Variants in MAPT observed in about 807,000 individuals in gnomAD.
MAPT encodes the protein microtubule-associated protein tau.
A neutral mutation model predicts 67.9 loss-of-function variants in MAPT; 34 were observed. That is an observed-to-expected ratio of 0.50 (90% confidence interval 0.38 to 0.67). The LOEUF is 0.67. Ranked by LOEUF, MAPT falls within the 30% of genes least tolerant of loss-of-function variation. The probability of loss-of-function intolerance (pLI) is 0.00; values close to 1 mark genes in which losing one functional copy is unlikely to be tolerated. For synonymous variants in MAPT, 456 were observed against 464.5 expected (o/e 0.98, Z 0.23); for missense variants, 881 against 1,115.2 (o/e 0.79, Z 2.99).
chr17:45,905,427 T>C (rs975288389), intron 1 of MAPT, among the ~76,000 whole-genome samples: 1 of 152,084 alleles, frequency 6.6e-6, no homozygotes, highest in Admixed American at 6.6e-5. Flanking sequence ...ATAAATCCCT[T>C]TCAATGTCAT....
At chr17:45,941,348 GGCTCT>G (rs2067833425) in intron 1 of MAPT, among the ~76,000 whole-genome samples, 1 of 152,028 alleles carries the variant, frequency 6.6e-6, no homozygotes, top group Non-Finnish European at 1.5e-5. Context: ...CTTTTCTTAA[GGCTCT>G]TGGAAGACCC....
At chr17:45,999,696 A>G (rs770462408) in intron 9 of MAPT, 1 of 1,538,768 alleles carries the variant, frequency 6.5e-7, no homozygotes. Flanking sequence ...CCAGGTTATG[A>G]CGTCACCATG....
intron 1 of MAPT, among the ~76,000 whole-genome samples, chr17:45,944,351 G>A (rs4327091): frequency 0.14 from 21,818 of 152,216 alleles, 2,138 homozygotes; most frequent in Non-Finnish European, 0.22. Context: ...TCAGGAAGAC[G>A]TGAAGCCAAA....
Position 46,010,995 on chromosome 17 carries a change from A to C in MAPT, c.2091+593A>C, listed in dbSNP as rs1460672956. Among the ~76,000 whole-genome samples the C allele has an allele frequency of 6.6e-6, 1 of 152,106 alleles. No homozygotes were observed. Among genetic ancestry groups the C allele is most frequent in the Non-Finnish European group, 1.5e-5 (1 of 68,024 alleles). On this transcript the variant is annotated intron_variant, in intron 10 of 12. Coordinates refer to ENST00000262410, the MANE Select transcript of MAPT (RefSeq NM_001377265.1). This position sits in a 1 kb window ranked among gnomAD's most constrained non-coding sequence, Gnocchi z 4.7. Reference sequence around the variant, plus strand: ...CTCCAGCTTATGCTTAGCCTGCGCCACCCTCTGGCAGAGACTCCAGATGCA... The same window carrying C: ...CTCCAGCTTATGCTTAGCCTGCGCCCCCCTCTGGCAGAGACTCCAGATGCA...
chr17:45,951,336 A>G (rs1230625240), intron 1 of MAPT, among the ~76,000 whole-genome samples: 1 of 152,226 alleles, frequency 6.6e-6, no homozygotes, highest in Non-Finnish European at 1.5e-5. Flanking sequence ...CATTCATTTT[A>G]AATCGTTCTT....
rs1351569568 is a variant in MAPT, at chr17:46,025,555, C to T, written c.*1384C>T. Reference sequence around the variant, plus strand: ...TCCACTCATCCAACTGGGACCCTCACCACGAATCTCATGATCTGATTCGGT... The same window carrying T: ...TCCACTCATCCAACTGGGACCCTCATCACGAATCTCATGATCTGATTCGGT... On this transcript the variant is annotated 3_prime_UTR_variant, in exon 13 of 13. Transcript: ENST00000262410. 6.5e-6 allele frequency: 1 copy of T among 152,764 alleles called. No individual in the cohort carries two copies. Among genetic ancestry groups the T allele is most frequent in the Non-Finnish European group, 1.5e-5 (1 of 68,112 alleles). The allele number at this position is 152,764 out of a possible 1,614,324, so 9.5% of individuals were successfully genotyped here. A position where few individuals can be genotyped will look rare whatever the true frequency, so the allele number is the denominator to read the frequency against.
intron 9 of MAPT, among the ~76,000 whole-genome samples, chr17:45,999,954 G>A (rs985741141): frequency 5.9e-5 from 9 of 152,212 alleles, no homozygotes; most frequent in Non-Finnish European, 1.3e-4. Flanking sequence ...ATGCACAAGA[G>A]CCTTTAAAAT....
rs58739060 is a variant in MAPT, at chr17:45,939,853, G to A, written c.-17-22468G>A. Among the ~76,000 whole-genome samples, 1,207 of 152,240 alleles carry A rather than the reference G, an allele frequency of 7.9e-3. 18 individuals carry two copies. The highest frequency in any genetic ancestry group is 0.028 in the African/African-American group (1,151 of 41,518). On this transcript the variant is annotated intron_variant, in intron 1 of 12. Coordinates refer to ENST00000262410, the MANE Select transcript of MAPT (RefSeq NM_001377265.1). ...GCACTGGCTGGGGGGCTCTCTTGAC[G>A]TAACGTGTTCCCTCTGAGCATGTTA...
intron 1 of MAPT, among the ~76,000 whole-genome samples, chr17:45,941,673 C>CCCTCCCCTCCTT (rs2067921146): frequency 3.5e-5 from 1 of 28,456 alleles, no homozygotes; most frequent in African/African-American, 1.1e-4. Context: ...CCCCCTTCCC[C>CCCTCCCCTCCTT]CCTTCCCTCC....
In MAPT at chr17:46,010,484, A is replaced by G; in HGVS notation, c.2091+82A>G. 1.0e-6 allele frequency: 1 copy of G among 973,080 alleles called. No homozygotes were observed. The highest frequency in any genetic ancestry group is 1.6e-6 in the Non-Finnish European group (1 of 620,124). The allele number at this position is 973,080 out of a possible 1,614,324, so 60.3% of individuals were successfully genotyped here. A position where few individuals can be genotyped will look rare whatever the true frequency, so the allele number is the denominator to read the frequency against. On this transcript the variant is annotated intron_variant, in intron 10 of 12. Transcript: ENST00000262410. This position sits in a 1 kb window ranked among gnomAD's most constrained non-coding sequence, Gnocchi z 4.7. Reference sequence around the variant, plus strand: ...GTGTGAGTGCGTACACTTGCGAGACACTGCATAGAATAAATCCTTCTTGGG... The same window carrying G: ...GTGTGAGTGCGTACACTTGCGAGACGCTGCATAGAATAAATCCTTCTTGGG...
intron 1 of MAPT, among the ~76,000 whole-genome samples, chr17:45,946,576 G>A (rs1046212471): frequency 5.3e-5 from 7 of 133,100 alleles, no homozygotes; most frequent in Admixed American, 1.6e-4. Flanking sequence ...TCCAGCCTGG[G>A]CGACCGAGGG....
intron 9 of MAPT, chr17:45,999,173 G>A: frequency 1.4e-6 from 2 of 1,473,702 alleles, no homozygotes; most frequent in Non-Finnish European, 1.8e-6. Flanking sequence ...TCCAAGTTCA[G>A]TTGCCATCTC....
chr17:45,993,975 G>A (rs978259608), intron 8 of MAPT: 21 of 1,571,012 alleles, frequency 1.3e-5, no homozygotes, highest in Non-Finnish European at 1.8e-5. Context: ...AGATCTGAGA[G>A]AGGTACTCGG....
Position 45,962,106 on chromosome 17 carries a change from C to T in MAPT, c.-17-215C>T, listed in dbSNP as rs145236675. Among the ~76,000 whole-genome samples the T allele has an allele frequency of 0.011, 1,632 of 152,188 alleles. 14 individuals carry two copies. The highest frequency in any genetic ancestry group is 0.015 in the Non-Finnish European group (1,033 of 68,012). On this transcript the variant is annotated intron_variant, in intron 1 of 12. Coordinates refer to ENST00000262410, the MANE Select transcript of MAPT (RefSeq NM_001377265.1). Reference sequence around the variant, plus strand: ...TGGTGGTGTTGAATATGAACTGCTGCGGTGTTGGTAAATTAAGCAAGCAGA... The same window carrying T: ...TGGTGGTGTTGAATATGAACTGCTGTGGTGTTGGTAAATTAAGCAAGCAGA...
intron 1 of MAPT, among the ~76,000 whole-genome samples, chr17:45,904,906 G>A (rs2064197101): frequency 6.6e-6 from 1 of 152,106 alleles, no homozygotes; most frequent in Non-Finnish European, 1.5e-5. Context: ...ATAACCTCCT[G>A]TTACACTGGG....
intron 1 of MAPT, among the ~76,000 whole-genome samples, chr17:45,942,228 T>C (rs1287893551): frequency 2.0e-5 from 3 of 152,262 alleles, no homozygotes; most frequent in African/African-American, 4.8e-5. Flanking sequence ...TCTTTTCTTA[T>C]GTATAAAAAT....
chr17:45,991,347 C>G, intron 7 of MAPT, 113 bp from the exon 8 acceptor site: 1 of 1,404,122 alleles, frequency 7.1e-7, no homozygotes, highest in Non-Finnish European at 1.0e-6. Context: ...AAAGGGTCAC[C>G]CCAGTCTTAG....
At chr17:45,977,451 GC>G in intron 3 of MAPT, 1 of 152,234 alleles carries the variant, frequency 6.6e-6, no homozygotes, top group Non-Finnish European at 1.5e-5. Context: ...GATTCTGGTG[GC>G]CTGAGGTCAA....
At chr17:45,958,761 C>G (rs1330393760) in intron 1 of MAPT, among the ~76,000 whole-genome samples, 1 of 151,604 alleles carries the variant, frequency 6.6e-6, no homozygotes, top group Non-Finnish European at 1.5e-5. Flanking sequence ...ATGCTGATCT[C>G]ACTAGTAATT....
Sources: gnomAD v4.1 joint callset for allele counts (sites outside exome capture counted in the v4.1 genomes callset) on GRCh38, gnomAD v4.1.1 for gene constraint, Gnocchi (gnomAD v3.1) non-coding constraint, MANE v1.5 for transcripts, NCBI Gene and HGNC (gene_info 2026-07-23, HGNC 2026-07-21) for gene names.